The following BEND3 variants were observed in gnomAD, a reference collection of about 807,000 sequenced individuals.
The protein encoded by BEND3 is BEN domain containing 3, also known as BEN domain-containing protein 3.
In BEND3, 13 loss-of-function variants were observed where a neutral mutation model predicts 60.1. The observed-to-expected ratio is 0.22, with a 90% confidence interval of 0.14 to 0.34. The LOEUF (loss-of-function observed/expected upper bound fraction) is 0.34, where lower values mean the gene tolerates loss of function less well. Ranked by LOEUF, BEND3 falls within the 10% of genes least tolerant of loss-of-function variation. The pLI is 1.00. For missense variants in BEND3, 896 were observed against 1,138.1 expected (o/e 0.79, Z 3.06); for synonymous variants, 497 against 491.5 (o/e 1.01, Z -0.15).
At chr6:107,080,610 A>G (rs1226636022) in intron 3 of BEND3, among the ~76,000 whole-genome samples, 2 of 151,030 alleles carry the variant, frequency 1.3e-5, no homozygotes, top group African/African-American at 2.4e-5. Flanking sequence ...GGCTGGGCAC[A>G]GTGGCTCAAG....
intron 1 of BEND3, among the ~76,000 whole-genome samples, chr6:107,107,926 C>T (rs1775854105): frequency 6.6e-6 from 1 of 152,176 alleles, no homozygotes; most frequent in Non-Finnish European, 1.5e-5. Context: ...GGAATGTTCC[C>T]ATGCCATCCA....
chr6:107,085,948 A>G (rs782281415), intron 3 of BEND3, among the ~76,000 whole-genome samples: 3 of 147,894 alleles, frequency 2.0e-5, no homozygotes, highest in Non-Finnish European at 3.0e-5. Context: ...CACCACACCC[A>G]GCTAATTTTT....
chr6:107,112,654 G>A (rs897622561), intron 1 of BEND3, among the ~76,000 whole-genome samples: 30 of 152,126 alleles, frequency 2.0e-4, no homozygotes, highest in African/African-American at 7.0e-4. Context: ...GGGAGTTCGA[G>A]ACCAGCCTGA....
At position 107,069,167 on chromosome 6, in the gene BEND3, A is replaced by C. The variant is rs782466085; in HGVS notation, c.2024T>G (p.Ile675Ser). 15 of 1,612,396 alleles carry C rather than the reference A, an allele frequency of 9.3e-6. No homozygotes were observed. Among genetic ancestry groups the C allele is most frequent in the Non-Finnish European group, 1.3e-5 (15 of 1,180,018 alleles). The change falls in exon 4 of 4, where the codon ATC becomes AGC. Residue 675 changes from isoleucine (I) to serine (S), a missense_variant. Coordinates refer to ENST00000369042, the MANE Select transcript of BEND3 (RefSeq NM_001367314.1). ...CTCCTCCCGGAACCTCTCGGGGTTG[A>C]TTGCATAGCTGGTCAAGTCTCTGCA... ...PECRDLTSYA[I>S]NPERFREEFE... is the part of the protein sequence containing the mutation.
rs1196778411 is a variant in BEND3 at position 107,065,952 on chromosome 6, C to T, written c.*2752G>A. On this transcript the variant is annotated 3_prime_UTR_variant, in exon 4 of 4. Coordinates refer to ENST00000369042, the MANE Select transcript of BEND3 (RefSeq NM_001367314.1). The stretch of plus-strand genomic sequence containing the variant: ...GGTGAACTGAAGGGGGATGCGAACA[C>T]TCAGTACATTCGTGACTATCTTCAT... 1 of 152,396 alleles carries T rather than the reference C, an allele frequency of 6.6e-6. No homozygotes were observed. The highest frequency in any genetic ancestry group is 2.4e-5 in the African/African-American group (1 of 41,438). The allele number at this position is 152,396 out of a possible 1,614,324, so 9.4% of individuals were successfully genotyped here. A position where few individuals can be genotyped will look rare whatever the true frequency, so the allele number is the denominator to read the frequency against.
rs1775488790 is a variant in BEND3 at position 107,092,095 on chromosome 6, A to G, written c.240+6456T>C. Among the ~76,000 whole-genome samples the G allele has an allele frequency of 2.0e-5, 3 of 152,114 alleles. No individual in the cohort carries two copies. In the South Asian group the frequency reaches 6.2e-4, roughly 32 times the overall value. Reference sequence around the variant, plus strand: ...AACATGGTGAAACCCCATCTCTACTAAAATAGGAAACATTAGCCGGGTGTA... The same window carrying G: ...AACATGGTGAAACCCCATCTCTACTGAAATAGGAAACATTAGCCGGGTGTA... On this transcript the variant is annotated intron_variant, in intron 3 of 3. Transcript: ENST00000369042.
intron 3 of BEND3, among the ~76,000 whole-genome samples, chr6:107,091,081 G>A (rs1554235166): frequency 6.6e-6 from 1 of 151,620 alleles, no homozygotes; most frequent in East Asian, 1.9e-4. Context: ...CTGCACTCCT[G>A]CCTGGGCAAC....
chr6:107,069,626 G>C lies in BEND3; in HGVS notation c.1565C>G (p.Pro522Arg), dbSNP rs1246161386. 1 of 1,611,160 alleles carries C rather than the reference G, an allele frequency of 6.2e-7. No individual in the cohort carries two copies. The highest frequency in any genetic ancestry group is 8.5e-7 in the Non-Finnish European group (1 of 1,179,998). ...KVEDSFEGER[P>R]GRRSKKIWLV... ...CCAGATCTTCTTGGAGCGGCGACCC[G>C]GCCGCTCGCCCTCGAAGCTGTCCTC... Residue 522 changes from proline (P) to arginine (R), a missense_variant, in exon 4 of 4, where the codon CCG (proline) becomes CGG (arginine). Physicochemically the swap from Pro to Arg is moderately radical, Grantham distance 103 (BLOSUM62 -2). Transcript: ENST00000369042.
intron 1 of BEND3, among the ~76,000 whole-genome samples, chr6:107,110,204 T>A (rs1159197923): frequency 2.6e-5 from 4 of 152,214 alleles, no homozygotes; most frequent in Non-Finnish European, 5.9e-5. Context: ...TCAGGTGACC[T>A]GCTGAGAAAA....
chr6:107,071,166 GAA>G (rs1398557755), intron 3 of BEND3, among the ~76,000 whole-genome samples: 5 of 152,336 alleles, frequency 3.3e-5, no homozygotes, highest in Non-Finnish European at 5.9e-5. Context: ...CATTCCCTGA[GAA>G]AAGACTCAGG....
rs1272729986 is a variant in BEND3 at position 107,068,716 on chromosome 6, T to C, written c.2475A>G (p.Lys825=). ...AGGTCACGGGCCTTCACTTCTCCAC[T>C]TTCTTTGCTTTCTTGAGGATGTCGC... The part of the protein sequence containing the change: ...KKCDILKKAK[K]VEK The change falls in exon 4 of 4, where the codon AAA becomes AAG. Residue 825 remains lysine, a synonymous_variant. Transcript: ENST00000369042. This position sits in a 1 kb window ranked among gnomAD's most constrained non-coding sequence, Gnocchi z 5.8. 2.5e-6 allele frequency: 4 copies of C among 1,613,276 alleles called. No homozygotes were observed. Among genetic ancestry groups the C allele is most frequent in the East Asian group, 2.2e-5 (1 of 44,882 alleles).
At chr6:107,106,545 A>C (rs1775818598) in intron 1 of BEND3, among the ~76,000 whole-genome samples, 1 of 152,182 alleles carries the variant, frequency 6.6e-6, no homozygotes, top group African/African-American at 2.4e-5. Flanking sequence ...CAAAAAATGG[A>C]ATTCTTTACT....
Position 107,069,063 on chromosome 6 carries a change from A to T in BEND3, c.2128T>A (p.Ser710Thr). ...GGAGAAGGCACCGGGAAGTCAGGCG[A>T]GGGGACCACCAGCTCGTCCAAGGGG... is the stretch of plus-strand genomic sequence containing the variant. ...KIPLDELVVP[S>T]PDFPVPSPYL... is the part of the protein sequence containing the mutation. Residue 710 changes from serine (S) to threonine (T), a missense_variant, in exon 4 of 4, where the codon TCG (serine) becomes ACG (threonine). Ser to Thr is a moderately conservative substitution (Grantham distance 58). Around this residue, in one of 4 missense-constraint regions of BEND3, gnomAD observed 846 missense variants for 1,036.7 expected, o/e 0.82. Coordinates refer to ENST00000369042, the MANE Select transcript of BEND3 (RefSeq NM_001367314.1). The T allele has an allele frequency of 6.2e-7, 1 of 1,613,142 alleles. No individual in the cohort carries two copies. The highest frequency in any genetic ancestry group is 8.5e-7 in the Non-Finnish European group (1 of 1,179,922).
chr6:107,074,424 T>C (rs1002495803), intron 3 of BEND3, among the ~76,000 whole-genome samples: 4 of 152,090 alleles, frequency 2.6e-5, no homozygotes, highest in Non-Finnish European at 4.4e-5. Context: ...CAAAAATAAA[T>C]ACATAAAAAT....
chr6:107,077,162 G>A lies in BEND3; in HGVS notation c.241-6212C>T, dbSNP rs1042483015. ...TTCTGCACAAAATCCTATTTTAAAT[G>A]TGCTCACCATGTTGTCCAGGCTGGC... On this transcript the variant is annotated intron_variant, in intron 3 of 3. Transcript: ENST00000369042. Among the ~76,000 whole-genome samples, 8 of 152,098 alleles carry A rather than the reference G, an allele frequency of 5.3e-5. No individual in the cohort carries two copies. The East Asian group carries it at 9.6e-4, about 18-fold the overall frequency.
rs548870202 is a variant in BEND3, at chr6:107,073,261, A to G, written c.241-2311T>C. 1.5e-3 allele frequency among the ~76,000 whole-genome samples: 38 copies of G among 25,480 alleles called. 1 individual carries two copies. Among genetic ancestry groups the G allele is most frequent in the South Asian group, 0.015 (16 of 1,092 alleles). 16.7% of individuals were successfully genotyped at this position (25,480 alleles called of 152,430 possible). On this transcript the variant is annotated intron_variant, in intron 3 of 3. Transcript: ENST00000369042. ...TATATATATATATATATATATATAT[A>G]TATGTATGTGAGCAAATGGTCAGTG...
At position 107,076,448 on chromosome 6, in the gene BEND3, C is replaced by A. The variant is rs187888114; in HGVS notation, c.241-5498G>T. On this transcript the variant is annotated intron_variant, in intron 3 of 3. Coordinates refer to ENST00000369042, the MANE Select transcript of BEND3 (RefSeq NM_001367314.1). Reference sequence around the variant, plus strand: ...TAGAACCCAGAGAGAATGCCCAAATCTCTCAGCTGGAGAATCTGACTGAAC... The same window carrying A: ...TAGAACCCAGAGAGAATGCCCAAATATCTCAGCTGGAGAATCTGACTGAAC... Among the ~76,000 whole-genome samples the A allele has an allele frequency of 1.2e-4, 19 of 152,322 alleles. No homozygotes were observed. In the East Asian group the frequency reaches 3.7e-3, roughly 29 times the overall value.
At chr6:107,085,636 C>T (rs1026019531) in intron 3 of BEND3, among the ~76,000 whole-genome samples, 6 of 149,152 alleles carry the variant, frequency 4.0e-5, no homozygotes, top group African/African-American at 9.9e-5. Context: ...GGACTACAGG[C>T]GCCTGCCACC....
intron 3 of BEND3, among the ~76,000 whole-genome samples, chr6:107,096,712 G>C (rs1357036461): frequency 6.6e-6 from 1 of 152,204 alleles, no homozygotes; most frequent in African/African-American, 2.4e-5. Flanking sequence ...GAAAAGTAGG[G>C]AATGAGGAGC....
Sources: allele counts gnomAD v4.1 joint callset (sites outside exome capture counted in the v4.1 genomes callset), GRCh38; gene constraint gnomAD v4.1.1; regional missense constraint gnomAD v4.1.1; non-coding constraint Gnocchi (gnomAD v3.1); transcripts MANE v1.5; gene names NCBI Gene and HGNC (gene_info 2026-07-23, HGNC 2026-07-21).